HUNK: variants seen among roughly 807,000 people sequenced by gnomAD.
HUNK encodes the protein hormonally up-regulated neu tumor-associated kinase.
A neutral mutation model predicts 61.0 loss-of-function variants in HUNK; 21 were observed. The ratio of observed to expected loss-of-function variants is 0.34; its 90% CI spans 0.24 to 0.50. The LOEUF is 0.50. HUNK is among the 20% of genes least tolerant of loss of function. The pLI, the probability that HUNK is intolerant of heterozygous loss-of-function variation, is 0.98. For synonymous variants in HUNK, 371 were observed against 386.1 expected (o/e 0.96, Z 0.46); for missense variants, 772 against 945.7 (o/e 0.82, Z 2.41).
intron 5 of HUNK, 27 bp from the exon 6 acceptor site, chr21:31,968,223 G>A (rs773520775): frequency 1.3e-5 from 21 of 1,613,818 alleles, no homozygotes; most frequent in African/African-American, 6.7e-5. Flanking sequence ...TGTAACATGC[G>A]TGCATTCTTT....
intron 4 of HUNK, among the ~76,000 whole-genome samples, chr21:31,952,260 A>G (rs1371058863): frequency 6.6e-6 from 1 of 151,938 alleles, no homozygotes; most frequent in African/African-American, 2.4e-5. Context: ...TTATATTATT[A>G]AAAGTTGATA....
intron 3 of HUNK, among the ~76,000 whole-genome samples, chr21:31,944,082 T>C (rs2052786159): frequency 6.6e-6 from 1 of 152,198 alleles, no homozygotes; most frequent in South Asian, 2.1e-4. Context: ...TTCTTGTCCC[T>C]CCCACCTTTC....
chr21:31,881,963 C>G (rs921678311), intron 1 of HUNK, among the ~76,000 whole-genome samples: 1 of 152,120 alleles, frequency 6.6e-6, no homozygotes, highest in Non-Finnish European at 1.5e-5. Context: ...TATGTATGCT[C>G]TATGGGTTTT....
At chr21:31,879,344 G>A (rs1160111466) in intron 1 of HUNK, among the ~76,000 whole-genome samples, 3 of 152,224 alleles carry the variant, frequency 2.0e-5, no homozygotes. Flanking sequence ...GGTGAGCCCT[G>A]TGTGACAAGG....
At chr21:31,974,479 A>T in intron 6 of HUNK, 76 bp from the exon 7 acceptor site, 2 of 1,357,322 alleles carry the variant, frequency 1.5e-6, no homozygotes, top group Non-Finnish European at 2.0e-6. Context: ...AATGAAGCTG[A>T]TTGTGCCCAG....
intron 5 of HUNK, among the ~76,000 whole-genome samples, chr21:31,964,434 G>C (rs1470600068): frequency 1.3e-5 from 2 of 152,210 alleles, no homozygotes; most frequent in African/African-American, 4.8e-5. Context: ...TCCAGACTTT[G>C]GAAAGCTGAT....
At chr21:31,990,301 G>A (rs754387887) in intron 9 of HUNK, 125 bp downstream of exon 9, 4 of 911,042 alleles carry the variant, frequency 4.4e-6, no homozygotes, top group Non-Finnish European at 6.9e-6. Context: ...ACAGTTTTGT[G>A]GGGGTTGGCT....
At chr21:31,925,180 TAA>T (rs2052651691) in intron 2 of HUNK, among the ~76,000 whole-genome samples, 1 of 152,200 alleles carries the variant, frequency 6.6e-6, no homozygotes, top group African/African-American at 2.4e-5. Flanking sequence ...GTGTGAGGGT[TAA>T]AAGAGTAGAA....
At chr21:31,966,695 G>A (rs1404104836) in intron 5 of HUNK, among the ~76,000 whole-genome samples, 1 of 152,184 alleles carries the variant, frequency 6.6e-6, no homozygotes, top group Admixed American at 6.5e-5. Flanking sequence ...ACAACTTAAA[G>A]CTTTTGAGAA....
intron 2 of HUNK, among the ~76,000 whole-genome samples, chr21:31,932,911 C>CTTTTTT (rs779361324): frequency 7.7e-6 from 1 of 130,642 alleles, no homozygotes; most frequent in Non-Finnish European, 1.6e-5. Context: ...TGCCTTCTTC[C>CTTTTTT]TTTTTTTTTT....
At chr21:31,898,833 TAGA>T in intron 1 of HUNK, among the ~76,000 whole-genome samples, 1 of 152,278 alleles carries the variant, frequency 6.6e-6, no homozygotes, top group Admixed American at 6.5e-5. Context: ...CTACTGATGC[TAGA>T]AGACTGATAT....
At chr21:31,962,385 C>T (rs902001199) in intron 5 of HUNK, among the ~76,000 whole-genome samples, 4 of 152,194 alleles carry the variant, frequency 2.6e-5, no homozygotes, top group African/African-American at 9.7e-5. Context: ...AATAACATCA[C>T]GCAGTCTTAG....
At chr21:31,897,194 C>T (rs750724231) in intron 1 of HUNK, among the ~76,000 whole-genome samples, 2 of 151,536 alleles carry the variant, frequency 1.3e-5, no homozygotes, top group Non-Finnish European at 2.9e-5. Context: ...TGCGGTGAGC[C>T]GAGATCACAC....
chr21:31,893,642 C>T (rs748452417), intron 1 of HUNK, among the ~76,000 whole-genome samples: 1 of 152,046 alleles, frequency 6.6e-6, no homozygotes, highest in Non-Finnish European at 1.5e-5. Context: ...TGCCACTGAG[C>T]GTCCTTTAAC....
intron 2 of HUNK, among the ~76,000 whole-genome samples, chr21:31,925,788 A>T (rs2052655469): frequency 6.6e-6 from 1 of 152,236 alleles, no homozygotes; most frequent in Non-Finnish European, 1.5e-5. Context: ...ATGAAAATAA[A>T]ATCAAACAAA....
chr21:31,921,891 G>A (rs1044727644), intron 1 of HUNK, among the ~76,000 whole-genome samples: 1 of 152,108 alleles, frequency 6.6e-6, no homozygotes, highest in Non-Finnish European at 1.5e-5. Flanking sequence ...CTTATAGTAT[G>A]CAGGTTATGA....
intron 2 of HUNK, among the ~76,000 whole-genome samples, chr21:31,925,706 CA>C (rs914773336): frequency 2.6e-5 from 4 of 152,122 alleles, no homozygotes. Flanking sequence ...AGGGGCTCTA[CA>C]AAGAAAGTGA....
chr21:31,949,894 C>A (rs2052837487), intron 4 of HUNK, among the ~76,000 whole-genome samples: 1 of 152,116 alleles, frequency 6.6e-6, no homozygotes, highest in African/African-American at 2.4e-5. Flanking sequence ...TAATGATCAG[C>A]ATGTATTGAC....
chr21:31,974,786 T>C, intron 7 of HUNK, 69 bp downstream of exon 7: 1 of 1,416,630 alleles, frequency 7.1e-7, no homozygotes, highest in Non-Finnish European at 9.5e-7. Flanking sequence ...CCCAAAGTGC[T>C]TCTCAGTTGC....
Sources: allele counts gnomAD v4.1 joint callset (sites outside exome capture counted in the v4.1 genomes callset), GRCh38; gene constraint gnomAD v4.1.1; transcripts MANE v1.5; gene names NCBI Gene and HGNC (gene_info 2026-07-23, HGNC 2026-07-21).